STAT3: variants seen among roughly 807,000 people sequenced by gnomAD.
STAT3 encodes signal transducer and activator of transcription 3, also known as DNA-binding protein APRF.
A neutral mutation model predicts 114.3 loss-of-function variants in STAT3; 7 were observed. The observed-to-expected ratio is 0.06, with a 90% CI of 0.03 to 0.11. The LOEUF is 0.11. Ranked by LOEUF, STAT3 falls within the 10% of genes least tolerant of loss-of-function variation. The pLI, the probability that STAT3 is intolerant of heterozygous loss-of-function variation, is 1.00. For missense variants in STAT3, 364 were observed against 960.9 expected (o/e 0.38, Z 8.21); for synonymous variants, 331 against 354.5 (o/e 0.93, Z 0.74).
intron 1 of STAT3, among the ~76,000 whole-genome samples, chr17:42,368,218 TAAAC>T (rs1426148517): frequency 3.3e-5 from 5 of 152,172 alleles, no homozygotes; most frequent in East Asian, 1.9e-4. Flanking sequence ...AAAAAATAAA[TAAAC>T]AAAAGGCATT....
chr17:42,344,465 C>G (rs1234086063), intron 4 of STAT3, among the ~76,000 whole-genome samples: 1 of 151,180 alleles, frequency 6.6e-6, no homozygotes, highest in African/African-American at 2.4e-5. Flanking sequence ...GCCTATAATC[C>G]CAGCACTTTG....
intron 21 of STAT3, among the ~76,000 whole-genome samples, chr17:42,317,873 A>T (rs1018811975): frequency 3.2e-4 from 48 of 152,216 alleles, no homozygotes; most frequent in African/African-American, 1.2e-3. Flanking sequence ...TGCTTCAACT[A>T]GAAGACCGGA....
At position 42,329,613 on chromosome 17, in the gene STAT3, T is replaced by C. The variant is rs1401418993; in HGVS notation, c.1174A>G (p.Lys392Glu). 6.2e-7 allele frequency: 1 copy of C among 1,614,266 alleles called. No individual in the cohort carries two copies. The highest frequency in any genetic ancestry group is 1.7e-5 in the Admixed American group (1 of 60,036). ...TTGGATTCTTCCATGTTCATCACTT[T>C]TGTGTTTGTGCCCAGAATGTTAAAT... is the stretch of plus-strand genomic sequence containing the variant. ...RKFNILGTNT[K>E]VMNMEESNNG... Residue 392 changes from lysine to glutamate, a missense_variant, in exon 13 of 24, where the codon AAA becomes GAA. Coordinates refer to ENST00000264657, the MANE Select transcript of STAT3 (RefSeq NM_139276.3).
chr17:42,371,397 A>G (rs1216845539), intron 1 of STAT3, among the ~76,000 whole-genome samples: 2 of 151,756 alleles, frequency 1.3e-5, no homozygotes, highest in Non-Finnish European at 2.9e-5. Context: ...CAGGCGGGGC[A>G]CGGTGGCTCA....
intron 1 of STAT3, among the ~76,000 whole-genome samples, chr17:42,358,842 T>C (rs575568616): frequency 6.6e-6 from 1 of 152,106 alleles, no homozygotes; most frequent in East Asian, 1.9e-4. Flanking sequence ...TTGTACAGCA[T>C]CCCTCTGTGC....
intron 4 of STAT3, 113 bp from the exon 5 acceptor site, chr17:42,339,522 C>T: frequency 1.0e-6 from 1 of 1,003,484 alleles, no homozygotes; most frequent in Non-Finnish European, 1.6e-6. Context: ...TGAGACGCTG[C>T]TGCCATCACA....
At chr17:42,370,983 A>G (rs1050400906) in intron 1 of STAT3, among the ~76,000 whole-genome samples, 1 of 152,174 alleles carries the variant, frequency 6.6e-6, no homozygotes, top group South Asian at 2.1e-4. Flanking sequence ...TTAGCCTAAC[A>G]TAAAGCAGAA....
chr17:42,321,582 T>A (rs889889154), intron 21 of STAT3, among the ~76,000 whole-genome samples: 18 of 152,186 alleles, frequency 1.2e-4, no homozygotes, highest in Non-Finnish European at 2.5e-4. Flanking sequence ...TCTACTCTAG[T>A]GTAAACCATA....
intron 1 of STAT3, among the ~76,000 whole-genome samples, chr17:42,361,841 T>C (rs2083526444): frequency 6.6e-6 from 1 of 152,092 alleles, no homozygotes; most frequent in Non-Finnish European, 1.5e-5. Flanking sequence ...CAAGTGATAG[T>C]TTGATTTACA....
At chr17:42,371,126 T>A (rs2084100885) in intron 1 of STAT3, among the ~76,000 whole-genome samples, 1 of 152,182 alleles carries the variant, frequency 6.6e-6, no homozygotes, top group Non-Finnish European at 1.5e-5. Flanking sequence ...CCTAGATTTC[T>A]GGCTTGCACA....
rs148881875 is a variant in STAT3, at chr17:42,342,433, A to C, written c.373-3024T>G. ...GAGAGGCAGAGGTTGCAGTGGGCCGAAATCGCGTCACTGCACTCCGGCCTG... is the reference window on the plus strand; with the variant it reads ...GAGAGGCAGAGGTTGCAGTGGGCCGCAATCGCGTCACTGCACTCCGGCCTG... On this transcript the variant is annotated intron_variant, in intron 4 of 23. Coordinates refer to ENST00000264657, the MANE Select transcript of STAT3 (RefSeq NM_139276.3). Among the ~76,000 whole-genome samples the C allele has an allele frequency of 4.1e-4, 63 of 152,130 alleles. 2 individuals carry two copies. The East Asian group carries it at 0.011, about 26-fold the overall frequency.
intron 21 of STAT3, among the ~76,000 whole-genome samples, chr17:42,321,712 C>A (rs1050507481): frequency 1.3e-5 from 2 of 152,208 alleles, no homozygotes; most frequent in African/African-American, 4.8e-5. Context: ...GGCCTCAAAC[C>A]TTCTAGCATC....
chr17:42,385,550 T>A (rs574128600), intron 1 of STAT3, among the ~76,000 whole-genome samples: 2 of 150,358 alleles, frequency 1.3e-5, no homozygotes, highest in East Asian at 3.9e-4. Flanking sequence ...GATTTGCACA[T>A]CACCTAAGAA....
intron 1 of STAT3, among the ~76,000 whole-genome samples, chr17:42,354,294 C>T (rs1395466192): frequency 7.5e-4 from 113 of 149,808 alleles, no homozygotes; most frequent in African/African-American, 2.5e-3. Context: ...CTCAGCCTCC[C>T]GAGTAGCTGG....
chr17:42,315,622 A>T lies in STAT3; in HGVS notation c.*123T>A, dbSNP rs745710035. 45 of 994,984 alleles carry T rather than the reference A, an allele frequency of 4.5e-5. No individual in the cohort carries two copies. Among genetic ancestry groups the T allele is most frequent in the Non-Finnish European group, 6.0e-5 (38 of 631,788 alleles). The allele number at this position is 994,984 out of a possible 1,614,324, so 61.6% of individuals were successfully genotyped here. On this transcript the variant is annotated 3_prime_UTR_variant, in exon 24 of 24. Transcript: ENST00000264657. ...TCAAAGATAGCAGAAGTAGGAGATT[A>T]AAAAAAATCTGGAACCACAAAGTTA... is the stretch of plus-strand genomic sequence containing the variant.
chr17:42,359,930 G>C lies in STAT3; in HGVS notation c.-23-11391C>G, dbSNP rs1479950897. ...AAAAAATTAGCCAGGTGTAGTGGCGGGCACCTGCAGTCCCAGCTACTTGGG... is the reference window on the plus strand; with the variant it reads ...AAAAAATTAGCCAGGTGTAGTGGCGCGCACCTGCAGTCCCAGCTACTTGGG... On this transcript the variant is annotated intron_variant, in intron 1 of 23. Transcript: ENST00000264657. 2.6e-5 allele frequency among the ~76,000 whole-genome samples: 4 copies of C among 151,866 alleles called. No homozygotes were observed. In the East Asian group the frequency reaches 7.8e-4, roughly 29 times the overall value.
At chr17:42,369,295 T>G (rs1353352036) in intron 1 of STAT3, among the ~76,000 whole-genome samples, 1 of 152,148 alleles carries the variant, frequency 6.6e-6, no homozygotes, top group Non-Finnish European at 1.5e-5. Flanking sequence ...AGGCGGAGGT[T>G]GCAGTGAGCT....
chr17:42,380,454 G>A (rs17883506), intron 1 of STAT3, among the ~76,000 whole-genome samples: 9,316 of 151,266 alleles, frequency 0.062, 348 homozygotes, highest in Non-Finnish European at 0.074. Flanking sequence ...GCACGATCTC[G>A]GTTCACCGCA....
intron 21 of STAT3, among the ~76,000 whole-genome samples, chr17:42,320,248 C>T (rs915351004): frequency 7.9e-5 from 12 of 152,260 alleles, no homozygotes; most frequent in African/African-American, 2.6e-4. Context: ...AGAAAGGCAA[C>T]GGTCAATTAG....
Sources: gnomAD v4.1 joint callset for allele counts (sites outside exome capture counted in the v4.1 genomes callset) on GRCh38, gnomAD v4.1.1 for gene constraint, MANE v1.5 for transcripts, NCBI Gene and HGNC (gene_info 2026-07-23, HGNC 2026-07-21) for gene names.